The following GRM8 variants were observed in gnomAD, a reference collection of about 807,000 sequenced individuals.
GRM8 encodes the protein glutamate metabotropic receptor 8.
Under a neutral mutation model 87.2 loss-of-function variants are expected in GRM8, and 47 were observed. That is an observed-to-expected ratio of 0.54 (90% CI 0.43 to 0.69). The LOEUF is 0.69. GRM8 is among the 30% of genes least tolerant of loss of function. The pLI, the probability that GRM8 is intolerant of heterozygous loss-of-function variation, is 0.00. For missense variants in GRM8, 1,019 were observed against 1,139.2 expected (o/e 0.89, Z 1.52); for synonymous variants, 396 against 404.5 (o/e 0.98, Z 0.25).
intron 2 of GRM8, among the ~76,000 whole-genome samples, chr7:127,202,095 T>C (rs1795645384): frequency 6.6e-6 from 1 of 152,182 alleles, no homozygotes; most frequent in Non-Finnish European, 1.5e-5. Flanking sequence ...TACATGTATA[T>C]ACTTGTGTAT....
chr7:127,195,461 T>A (rs1402942730), intron 2 of GRM8, among the ~76,000 whole-genome samples: 6 of 152,180 alleles, frequency 3.9e-5, no homozygotes, highest in Non-Finnish European at 7.3e-5. Context: ...CAAAACTAGT[T>A]AAGCCGCATA....
At chr7:126,872,192 A>G (rs981538216) in intron 6 of GRM8, among the ~76,000 whole-genome samples, 7 of 152,068 alleles carry the variant, frequency 4.6e-5, no homozygotes, top group South Asian at 2.1e-4. Context: ...CTTCAACTCT[A>G]TGTCTTTATT....
At chr7:126,535,259 C>T (rs981281295) in intron 8 of GRM8, among the ~76,000 whole-genome samples, 6 of 152,088 alleles carry the variant, frequency 3.9e-5, no homozygotes, top group South Asian at 2.1e-4. Flanking sequence ...AATGATGATA[C>T]GTCTCTTCTG....
At position 127,222,684 on chromosome 7, in the gene GRM8, C is replaced by T. The variant is rs544176580; in HGVS notation, c.510+20011G>A. Among the ~76,000 whole-genome samples, 11 of 152,280 alleles carry T rather than the reference C, an allele frequency of 7.2e-5. No homozygotes were observed. In the South Asian group the frequency reaches 2.3e-3, roughly 32 times the overall value. On this transcript the variant is annotated intron_variant, in intron 2 of 10. Coordinates refer to ENST00000339582, the MANE Select transcript of GRM8 (RefSeq NM_000845.3). Reference sequence around the variant, plus strand: ...ATAACCTGCTTTGTAACAATAATGGCTATTCATGTATAGTGCCCAATATGT... The same window carrying T: ...ATAACCTGCTTTGTAACAATAATGGTTATTCATGTATAGTGCCCAATATGT...
chr7:126,625,064 A>T (rs1339481895), intron 7 of GRM8, among the ~76,000 whole-genome samples: 2 of 152,196 alleles, frequency 1.3e-5, no homozygotes, highest in African/African-American at 4.8e-5. Flanking sequence ...ATATCTAGTG[A>T]GTTCTCAATG....
intron 9 of GRM8, among the ~76,000 whole-genome samples, chr7:126,505,557 T>C (rs1810327284): frequency 6.6e-6 from 1 of 151,986 alleles, no homozygotes. Context: ...TACCTGTACA[T>C]AGTTGAAGGT....
chr7:126,813,504 T>C (rs1353453414), intron 6 of GRM8, among the ~76,000 whole-genome samples: 1 of 152,114 alleles, frequency 6.6e-6, no homozygotes, highest in Non-Finnish European at 1.5e-5. Flanking sequence ...GAACAAAATT[T>C]CTCTATAAAA....
At chr7:126,446,071 A>T (rs764618746) in intron 10 of GRM8, 55 bp downstream of exon 10, 1 of 1,602,370 alleles carries the variant, frequency 6.2e-7, no homozygotes, top group South Asian at 1.1e-5. Flanking sequence ...TTCAACGTAC[A>T]TCTATTAGGA....
intron 2 of GRM8, among the ~76,000 whole-genome samples, chr7:127,196,862 T>G (rs1483373483): frequency 1.3e-5 from 2 of 152,178 alleles, no homozygotes; most frequent in African/African-American, 4.8e-5. Flanking sequence ...GAAGACTAAA[T>G]GAGCTAATAC....
At chr7:127,153,242 G>A (rs1792517851) in intron 2 of GRM8, among the ~76,000 whole-genome samples, 1 of 152,092 alleles carries the variant, frequency 6.6e-6, no homozygotes, top group South Asian at 2.1e-4. Context: ...CACTTCTGCA[G>A]GCAAGAAGTT....
chr7:126,566,280 G>A (rs534759834), intron 8 of GRM8, among the ~76,000 whole-genome samples: 4 of 152,148 alleles, frequency 2.6e-5, no homozygotes, highest in Non-Finnish European at 5.9e-5. Context: ...ATATATCTGA[G>A]AATGAGTTAG....
intron 7 of GRM8, among the ~76,000 whole-genome samples, chr7:126,613,777 T>C (rs6943485): frequency 0.32 from 48,693 of 152,096 alleles, 8,425 homozygotes; most frequent in East Asian, 0.43. Flanking sequence ...GCCTCACTCA[T>C]TGCTAGCACA....
intron 7 of GRM8, among the ~76,000 whole-genome samples, chr7:126,653,135 C>G (rs534031428): frequency 1.3e-5 from 2 of 152,026 alleles, no homozygotes; most frequent in Admixed American, 1.3e-4. Flanking sequence ...GAATACATGT[C>G]TACAGAAACA....
At chr7:126,562,617 C>T (rs533815167) in intron 8 of GRM8, among the ~76,000 whole-genome samples, 3 of 152,148 alleles carry the variant, frequency 2.0e-5, no homozygotes, top group East Asian at 1.9e-4. Flanking sequence ...GAAGGTTGCC[C>T]GGCGTGGTGG....
At chr7:126,642,627 G>A (rs1221326297) in intron 7 of GRM8, among the ~76,000 whole-genome samples, 2 of 146,354 alleles carry the variant, frequency 1.4e-5, no homozygotes, top group Non-Finnish European at 3.1e-5. Context: ...GTGACAGAGC[G>A]AGACTCCATC....
rs1395774189 is a variant in GRM8, at chr7:127,106,487, T to C, written c.727+9A>G. Reference sequence around the variant, plus strand: ...TCCAAATACAATCATCTGATAAATATATGCTTACCAATCTCCCTCGAGATC... The same window carrying C: ...TCCAAATACAATCATCTGATAAATACATGCTTACCAATCTCCCTCGAGATC... On this transcript the variant is annotated intron_variant, in intron 3 of 10. Transcript: ENST00000339582. The C allele has an allele frequency of 8.1e-6, 13 of 1,602,306 alleles. No individual in the cohort carries two copies. The Admixed American group carries it at 8.3e-5, about 10-fold the overall frequency.
At chr7:126,611,748 A>G (rs1798933616) in intron 7 of GRM8, among the ~76,000 whole-genome samples, 2 of 152,190 alleles carry the variant, frequency 1.3e-5, no homozygotes, top group Admixed American at 1.3e-4. Flanking sequence ...GAAATAATGT[A>G]ATTTGTATAA....
At chr7:126,925,402 A>G in intron 3 of GRM8, among the ~76,000 whole-genome samples, 1 of 152,234 alleles carries the variant, frequency 6.6e-6, no homozygotes, top group East Asian at 1.9e-4. Context: ...GAAGGATAAT[A>G]ACAAGCAATC....
intron 2 of GRM8, among the ~76,000 whole-genome samples, chr7:127,204,135 G>A (rs1259737521): frequency 1.3e-5 from 2 of 152,166 alleles, no homozygotes; most frequent in Admixed American, 1.3e-4. Flanking sequence ...TCACTGAATT[G>A]TAGACACAAA....
Sources: gnomAD v4.1 joint callset for allele counts (sites outside exome capture counted in the v4.1 genomes callset) on GRCh38, gnomAD v4.1.1 for gene constraint, MANE v1.5 for transcripts, NCBI Gene and HGNC (gene_info 2026-07-23, HGNC 2026-07-21) for gene names.